The following HS6ST3 variants were observed in gnomAD, a reference collection of about 807,000 sequenced individuals.
HS6ST3 encodes the protein heparan sulfate 6-O-sulfotransferase 3.
Under a neutral mutation model 36.7 loss-of-function variants are expected in HS6ST3, and 12 were observed. That is an observed-to-expected ratio of 0.33 (90% confidence interval 0.21 to 0.53). HS6ST3 has a LOEUF of 0.53. HS6ST3 is among the 20% of genes least tolerant of loss of function. The pLI is 0.95. For synonymous variants in HS6ST3, 240 were observed against 257.5 expected, an observed-to-expected ratio of 0.93 and a Z score of 0.65; for missense variants, 584 against 640.9, an observed-to-expected ratio of 0.91 and a Z score of 0.96.
At chr13:96,468,345 A>G (rs1454195591) in intron 1 of HS6ST3, among the ~76,000 whole-genome samples, 1 of 152,132 alleles carries the variant, frequency 6.6e-6, no homozygotes, top group Non-Finnish European at 1.5e-5. Flanking sequence ...GGTGTCTTTA[A>G]ATGGAAATGA....
chr13:96,397,626 G>A (rs2055428813), intron 1 of HS6ST3, among the ~76,000 whole-genome samples: 1 of 152,114 alleles, frequency 6.6e-6, no homozygotes, highest in African/African-American at 2.4e-5. Flanking sequence ...AGAGAAGGTA[G>A]TAGGCTGATT....
chr13:96,531,748 A>G (rs2056136289), intron 1 of HS6ST3, among the ~76,000 whole-genome samples: 1 of 152,208 alleles, frequency 6.6e-6, no homozygotes, highest in African/African-American at 2.4e-5. Context: ...ATCTCATAGA[A>G]TTACTTTTCT....
At chr13:96,241,606 T>G (rs1466227363) in intron 1 of HS6ST3, among the ~76,000 whole-genome samples, 3 of 151,210 alleles carry the variant, frequency 2.0e-5, no homozygotes, top group African/African-American at 7.3e-5. Flanking sequence ...CCCAGGAGAT[T>G]CAATAAAAAT....
At chr13:96,323,273 A>T (rs1376602200) in intron 1 of HS6ST3, among the ~76,000 whole-genome samples, 1 of 152,216 alleles carries the variant, frequency 6.6e-6, no homozygotes, top group African/African-American at 2.4e-5. Context: ...TTCCACAGTC[A>T]TCCCTATCTT....
At chr13:96,174,473 A>G (rs1171557351) in intron 1 of HS6ST3, among the ~76,000 whole-genome samples, 1 of 151,994 alleles carries the variant, frequency 6.6e-6, no homozygotes, top group African/African-American at 2.4e-5. Context: ...GGCCCAAGCA[A>G]TTCTCCCACT....
chr13:96,717,597 A>G (rs1875732848), intron 1 of HS6ST3, among the ~76,000 whole-genome samples: 1 of 152,244 alleles, frequency 6.6e-6, no homozygotes, highest in Admixed American at 6.5e-5. Context: ...CAGCATAGCT[A>G]TTCGTTACTA....
At chr13:96,204,703 C>T (rs2054361021) in intron 1 of HS6ST3, among the ~76,000 whole-genome samples, 1 of 152,136 alleles carries the variant, frequency 6.6e-6, no homozygotes, top group Non-Finnish European at 1.5e-5. Context: ...TCATAAACCA[C>T]ACAACTACAT....
In HS6ST3 at chr13:96,491,917, G is replaced by A. The variant is rs141006379; in HGVS notation, c.708-340573G>A. Among the ~76,000 whole-genome samples, 1,224 of 152,226 alleles carry A rather than the reference G, an allele frequency of 8.0e-3. 8 individuals carry two copies. The highest frequency in any genetic ancestry group is 0.014 in the Middle Eastern group (4 of 294). On this transcript the variant is annotated intron_variant, in intron 1 of 1. Coordinates refer to ENST00000376705, the MANE Select transcript of HS6ST3 (RefSeq NM_153456.4). ...TCCACCCAGAGAATGAATGGAGATA[G>A]ATCTAGTCTCAACCCAAATTTTGTT...
At chr13:96,782,324 G>A (rs1195302741) in intron 1 of HS6ST3, among the ~76,000 whole-genome samples, 1 of 152,118 alleles carries the variant, frequency 6.6e-6, no homozygotes, top group Admixed American at 6.5e-5. Flanking sequence ...CAAAACAGTC[G>A]CCATGAACAC....
chr13:96,285,844 A>G (rs1256248071), intron 1 of HS6ST3, among the ~76,000 whole-genome samples: 1 of 151,354 alleles, frequency 6.6e-6, no homozygotes, highest in Admixed American at 6.6e-5. Context: ...ATTGATATCT[A>G]TCTCTCTTCC....
chr13:96,701,988 G>A (rs1258256874), intron 1 of HS6ST3, among the ~76,000 whole-genome samples: 1 of 152,094 alleles, frequency 6.6e-6, no homozygotes. Flanking sequence ...TGAACAAAGG[G>A]ATCTGAGGGA....
intron 1 of HS6ST3, among the ~76,000 whole-genome samples, chr13:96,631,803 A>G (rs1208219076): frequency 6.6e-6 from 1 of 152,210 alleles, no homozygotes; most frequent in African/African-American, 2.4e-5. Context: ...AAACATTTTC[A>G]GTAACGAGAG....
intron 1 of HS6ST3, among the ~76,000 whole-genome samples, chr13:96,675,298 AAT>A (rs925848525): frequency 2.0e-5 from 3 of 152,064 alleles, no homozygotes; most frequent in African/African-American, 4.8e-5. Context: ...TTTTGAGATG[AAT>A]ATATATATGT....
Position 96,149,422 on chromosome 13 carries a change from C to A in HS6ST3, c.707+57853C>A, listed in dbSNP as rs116613836. On this transcript the variant is annotated intron_variant, in intron 1 of 1. Transcript: ENST00000376705. Reference sequence around the variant, plus strand: ...TTTATAGCCACAATAGTGTGACCTCCCATTTTCCTGTTTTGAGAGAAAATG... The same window carrying A: ...TTTATAGCCACAATAGTGTGACCTCACATTTTCCTGTTTTGAGAGAAAATG... Among the ~76,000 whole-genome samples, 1,406 of 152,018 alleles carry A rather than the reference C, an allele frequency of 9.2e-3. 27 individuals are homozygous for A. Among genetic ancestry groups the A allele is most frequent in the African/African-American group, 0.033 (1,348 of 41,460 alleles).
intron 1 of HS6ST3, among the ~76,000 whole-genome samples, chr13:96,317,255 T>C (rs1193963262): frequency 6.7e-6 from 1 of 149,882 alleles, no homozygotes; most frequent in Non-Finnish European, 1.5e-5. Context: ...CTTAGGATTA[T>C]AGTCTCCAGC....
chr13:96,429,234 G>A (rs4278609), intron 1 of HS6ST3, among the ~76,000 whole-genome samples: 43,910 of 152,046 alleles, frequency 0.29, 6,613 homozygotes, highest in South Asian at 0.44. Context: ...CAATGAATGA[G>A]GCTCAGATTA....
At position 96,742,478 on chromosome 13, in the gene HS6ST3, G is replaced by A. The variant is rs191068702; in HGVS notation, c.708-90012G>A. 1.5e-4 allele frequency among the ~76,000 whole-genome samples: 23 copies of A among 152,058 alleles called. No homozygotes were observed. In the East Asian group the frequency reaches 4.1e-3, roughly 27 times the overall value. ...AGACACAGACGATTGAAAGTGAAAG[G>A]ATGAAAAAAGATATACCAGGCAAAT... On this transcript the variant is annotated intron_variant, in intron 1 of 1. Coordinates refer to ENST00000376705, the MANE Select transcript of HS6ST3 (RefSeq NM_153456.4).
At chr13:96,162,191 A>T (rs2054138748) in intron 1 of HS6ST3, among the ~76,000 whole-genome samples, 3 of 152,334 alleles carry the variant, frequency 2.0e-5, no homozygotes, top group Middle Eastern at 3.4e-3. Flanking sequence ...AATGTATTTT[A>T]AAAAATTTAA....
intron 1 of HS6ST3, among the ~76,000 whole-genome samples, chr13:96,130,640 T>A (rs1014192509): frequency 1.3e-5 from 2 of 152,208 alleles, no homozygotes; most frequent in Non-Finnish European, 2.9e-5. Context: ...TTCCTTTTTC[T>A]TGAGGTAATG....
Sources: gnomAD v4.1 joint callset for allele counts (sites outside exome capture counted in the v4.1 genomes callset) on GRCh38, gnomAD v4.1.1 for gene constraint, MANE v1.5 for transcripts, NCBI Gene and HGNC (gene_info 2026-07-23, HGNC 2026-07-21) for gene names.